Variants in XRN1 observed in about 807,000 individuals in gnomAD.
XRN1 encodes 5'-3' exoribonuclease 1, also known as strand-exchange protein 1 homolog.
A neutral mutation model predicts 222.3 loss-of-function variants in XRN1; 67 were observed. The observed-to-expected ratio is 0.30, with a 90% CI of 0.25 to 0.37. The LOEUF (loss-of-function observed/expected upper bound fraction) is 0.37, where lower values mean the gene tolerates loss of function less well. Among genes scored for constraint, XRN1 ranks in the 10% least tolerant of loss-of-function variants. The pLI is 1.00. For missense variants in XRN1, 1,707 were observed against 2,000.2 expected (o/e 0.85, Z 2.80); for synonymous variants, 643 against 652.4 (o/e 0.99, Z 0.22).
At chr3:142,352,315 T>A (rs991884890) in intron 32 of XRN1, among the ~76,000 whole-genome samples, 1 of 152,220 alleles carries the variant, frequency 6.6e-6, no homozygotes, top group Non-Finnish European at 1.5e-5. Flanking sequence ...AGTACAGTAC[T>A]GGACTCAGAA....
Position 142,332,504 on chromosome 3 carries a change from T to C in XRN1, c.4093A>G (p.Lys1365Glu). 3 of 1,611,186 alleles carry C rather than the reference T, an allele frequency of 1.9e-6. No homozygotes were observed. The highest frequency in any genetic ancestry group is 1.1e-5 in the South Asian group (1 of 90,450). Residue 1365 changes from lysine (K) to glutamate (E), a missense_variant, in exon 36 of 41, where the codon AAA becomes GAA. Lys to Glu is a moderately conservative substitution (Grantham distance 56). Transcript: ENST00000392981. ...TCCACAGTGTTAGAGCCATCAATTT[T>C]TAGAATTTCTTTAAGCATCCGTGTT... ...KGTRMLKEIL[K>E]IDGSNTVDHK...
Position 142,426,629 on chromosome 3 carries a change from G to A in XRN1, c.406+115C>T. 4 of 962,158 alleles carry A rather than the reference G, an allele frequency of 4.2e-6. No homozygotes were observed. In the South Asian group the frequency reaches 6.9e-5, roughly 17 times the overall value. 59.6% of individuals were successfully genotyped at this position (962,158 alleles called of 1,614,324 possible). ...GAGCAAACATAAGTGGGAAAATACA[G>A]TAAATGGAACCCTAAGGCCAAAATA... On this transcript the variant is annotated intron_variant, in intron 3 of 40. Coordinates refer to ENST00000392981, the MANE Select transcript of XRN1 (RefSeq NM_001282857.2).
rs187728658 is a variant in XRN1 at position 142,373,008 on chromosome 3, G to T, written c.2979-1680C>A. On this transcript the variant is annotated intron_variant, in intron 25 of 40. Transcript: ENST00000392981. Reference sequence around the variant, plus strand: ...AGTGCCTCATTCTTAAATATAATTGGATATCAAAGATCATCAGACAAGAAC... The same window carrying T: ...AGTGCCTCATTCTTAAATATAATTGTATATCAAAGATCATCAGACAAGAAC... 2.4e-3 allele frequency among the ~76,000 whole-genome samples: 358 copies of T among 152,140 alleles called. 4 individuals are homozygous for T. The highest frequency in any genetic ancestry group is 0.022 in the Admixed American group (334 of 15,264).
chr3:142,423,883 C>T (rs899180410), intron 5 of XRN1, among the ~76,000 whole-genome samples: 1 of 152,022 alleles, frequency 6.6e-6, no homozygotes, highest in African/African-American at 2.4e-5. Flanking sequence ...ATCCCCTGTC[C>T]CCTCTCCTCT....
At chr3:142,387,513 T>C (rs2067550961) in intron 20 of XRN1, among the ~76,000 whole-genome samples, 1 of 152,214 alleles carries the variant, frequency 6.6e-6, no homozygotes, top group African/African-American at 2.4e-5. Flanking sequence ...AGCCATTCTT[T>C]GGGAGACATT....
At chr3:142,367,610 A>G (rs1442398908) in intron 27 of XRN1, among the ~76,000 whole-genome samples, 8 of 151,912 alleles carry the variant, frequency 5.3e-5, no homozygotes, top group Non-Finnish European at 1.2e-4. Flanking sequence ...CAGTAACGTG[A>G]TCATAGCTCA....
chr3:142,400,412 G>GTTAGAAAAAT, intron 19 of XRN1, 32 bp downstream of exon 19: 1 of 1,507,950 alleles, frequency 6.6e-7, no homozygotes, highest in Non-Finnish European at 9.0e-7. Context: ...GCAAATATAT[G>GTTAGAAAAAT]TTAGAAAAAT....
intron 37 of XRN1, among the ~76,000 whole-genome samples, chr3:142,328,585 T>C (rs79066840): frequency 5.3e-5 from 8 of 150,320 alleles, no homozygotes; most frequent in African/African-American, 1.9e-4. Context: ...GTTCCATTTG[T>C]TGAGGAAAAG....
chr3:142,408,317 A>G (rs2068430918), intron 15 of XRN1, among the ~76,000 whole-genome samples: 1 of 152,216 alleles, frequency 6.6e-6, no homozygotes, highest in Non-Finnish European at 1.5e-5. Flanking sequence ...TCTGGCCTAT[A>G]CATGTGCCAT....
chr3:142,322,630 G>A (rs762488328), intron 37 of XRN1, among the ~76,000 whole-genome samples: 9 of 152,134 alleles, frequency 5.9e-5, no homozygotes, highest in African/African-American at 1.7e-4. Context: ...CAGTGAGCTC[G>A]TGCCACCGCA....
intron 39 of XRN1, among the ~76,000 whole-genome samples, chr3:142,316,033 C>G (rs1238641165): frequency 1.3e-5 from 2 of 152,086 alleles, no homozygotes; most frequent in Non-Finnish European, 2.9e-5. Flanking sequence ...AATGTAAGTA[C>G]ATTACATCAT....
chr3:142,366,273 CCT>C (rs1452223784), intron 27 of XRN1, among the ~76,000 whole-genome samples: 2 of 152,144 alleles, frequency 1.3e-5, no homozygotes, highest in Non-Finnish European at 2.9e-5. Flanking sequence ...ATGGCAGTCA[CCT>C]CTCTTTAGAA....
At chr3:142,442,427 A>G (rs1270826226) in intron 1 of XRN1, among the ~76,000 whole-genome samples, 2 of 152,204 alleles carry the variant, frequency 1.3e-5, no homozygotes, top group African/African-American at 4.8e-5. Context: ...CCCTCCAGGA[A>G]ACCAAGCCCC....
chr3:142,321,640 A>G (rs1264587131), intron 37 of XRN1, among the ~76,000 whole-genome samples: 4 of 152,186 alleles, frequency 2.6e-5, no homozygotes, highest in Non-Finnish European at 5.9e-5. Flanking sequence ...CATGTCTTTC[A>G]GCAACATTTT....
In XRN1 at chr3:142,414,189, C is replaced by T; in HGVS notation, c.1539G>A (p.Gln513=). Residue 513 remains glutamine, a synonymous_variant, in exon 14 of 41, where the codon CAG becomes CAA. Coordinates refer to ENST00000392981, the MANE Select transcript of XRN1 (RefSeq NM_001282857.2). ...ELGKPFKPFE[Q]LLAVLPAASK... is the part of the protein sequence containing the mutation. ...TGGCTGCTGGAAGTACAGCAAGAAG[C>T]TGTTCAAATGGCTTAAAAGGTTTTC... is the stretch of plus-strand genomic sequence containing the variant. 1 of 1,613,714 alleles carries T rather than the reference C, an allele frequency of 6.2e-7. No homozygotes were observed. The highest frequency in any genetic ancestry group is 8.5e-7 in the Non-Finnish European group (1 of 1,179,818).
chr3:142,433,518 C>A (rs1168671465), intron 1 of XRN1, among the ~76,000 whole-genome samples: 1 of 152,072 alleles, frequency 6.6e-6, no homozygotes, highest in African/African-American at 2.4e-5. Context: ...ATAAGAAGAC[C>A]TTAATGGCTC....
intron 36 of XRN1, among the ~76,000 whole-genome samples, chr3:142,331,262 C>CCTT (rs1390637527): frequency 6.6e-6 from 1 of 152,110 alleles, no homozygotes; most frequent in Non-Finnish European, 1.5e-5. Flanking sequence ...AGATAAAATG[C>CCTT]TAAAGTATAG....
intron 22 of XRN1, 63 bp downstream of exon 22, chr3:142,383,237 G>A (rs1186101349): frequency 1.1e-5 from 13 of 1,236,212 alleles, no homozygotes; most frequent in Non-Finnish European, 1.5e-5. Flanking sequence ...CCTAAATGAA[G>A]AGAAGTTAAG....
At chr3:142,376,414 A>G (rs991503671) in intron 24 of XRN1, 65 bp downstream of exon 24, 1 of 1,166,928 alleles carries the variant, frequency 8.6e-7, no homozygotes, top group Non-Finnish European at 1.3e-6. Context: ...TGAAATATTA[A>G]GCATTTAATC....
Sources: gnomAD v4.1 joint callset for allele counts (sites outside exome capture counted in the v4.1 genomes callset) on GRCh38, gnomAD v4.1.1 for gene constraint, MANE v1.5 for transcripts, NCBI Gene and HGNC (gene_info 2026-07-23, HGNC 2026-07-21) for gene names.